Variants in ELOVL7 observed in about 807,000 individuals in gnomAD.
ELOVL7 encodes very long chain fatty acid elongase 7.
A neutral mutation model predicts 35.7 loss-of-function variants in ELOVL7; 27 were observed. The observed-to-expected ratio is 0.76, with a 90% CI of 0.56 to 1.04. The LOEUF (loss-of-function observed/expected upper bound fraction) is 1.04, where lower values mean the gene tolerates loss of function less well. Ranked by LOEUF, ELOVL7 falls within the 50% of genes least tolerant of loss-of-function variation. The probability of loss-of-function intolerance (pLI) is 0.00; values close to 1 mark genes in which losing one functional copy is unlikely to be tolerated. For synonymous variants in ELOVL7, 113 were observed against 114.6 expected (o/e 0.99, Z 0.09); for missense variants, 327 against 340.8 (o/e 0.96, Z 0.32).
At chr5:60,822,775 T>G (rs1471988329) in intron 1 of ELOVL7, among the ~76,000 whole-genome samples, 1 of 150,022 alleles carries the variant, frequency 6.7e-6, no homozygotes, top group African/African-American at 2.5e-5. Flanking sequence ...AAAGAAAGAG[T>G]CAAAAAGACA....
chr5:60,756,358 C>T (rs921970242), intron 8 of ELOVL7, among the ~76,000 whole-genome samples: 5 of 152,068 alleles, frequency 3.3e-5, no homozygotes, highest in African/African-American at 1.2e-4. Context: ...CAGTGATTAT[C>T]CCTGGGTGGC....
intron 1 of ELOVL7, among the ~76,000 whole-genome samples, chr5:60,835,940 AGAAG>A (rs1746771907): frequency 6.6e-6 from 1 of 152,048 alleles, no homozygotes; most frequent in African/African-American, 2.4e-5. Flanking sequence ...CAGCAGTTGG[AGAAG>A]GAAGAAGACT....
At chr5:60,778,111 C>T (rs1360951043) in intron 3 of ELOVL7, among the ~76,000 whole-genome samples, 1 of 152,206 alleles carries the variant, frequency 6.6e-6, no homozygotes, top group Non-Finnish European at 1.5e-5. Flanking sequence ...AAATCTTTTA[C>T]TGCTTCTATT....
At chr5:60,786,657 T>C (rs1743602754) in intron 3 of ELOVL7, among the ~76,000 whole-genome samples, 1 of 151,884 alleles carries the variant, frequency 6.6e-6, no homozygotes, top group Admixed American at 6.6e-5. Flanking sequence ...TTCAAAAGAG[T>C]TGGCAGTGGC....
At chr5:60,770,101 T>C (rs1311099982) in intron 4 of ELOVL7, among the ~76,000 whole-genome samples, 3 of 151,686 alleles carry the variant, frequency 2.0e-5, no homozygotes, top group African/African-American at 7.3e-5. Context: ...TAATAATTTA[T>C]ATTTGGCAGG....
chr5:60,787,559 T>C, intron 2 of ELOVL7, 128 bp from the exon 3 acceptor site: 1 of 528,134 alleles, frequency 1.9e-6, no homozygotes, highest in Non-Finnish European at 3.2e-6. Context: ...AAACTCCCAC[T>C]GAAGGCAAAT....
intron 1 of ELOVL7, among the ~76,000 whole-genome samples, chr5:60,813,764 T>TC (rs1745367746): frequency 6.6e-6 from 1 of 152,076 alleles, no homozygotes; most frequent in African/African-American, 2.4e-5. Flanking sequence ...GGAGATAAAC[T>TC]CGACAGGTAG....
intron 1 of ELOVL7, among the ~76,000 whole-genome samples, chr5:60,807,164 G>GA (rs1554065898): frequency 1.4e-5 from 2 of 148,100 alleles, no homozygotes; most frequent in African/African-American, 5.0e-5. Context: ...TCCTAATTTT[G>GA]TTTTTTTTTT....
chr5:60,764,680 G>A (rs1390229725), intron 6 of ELOVL7, among the ~76,000 whole-genome samples: 1 of 152,142 alleles, frequency 6.6e-6, no homozygotes, highest in Non-Finnish European at 1.5e-5. Context: ...AAGTGTATGG[G>A]AAAGCAGAAG....
chr5:60,764,872 G>T (rs1742142262), intron 6 of ELOVL7, among the ~76,000 whole-genome samples: 2 of 151,946 alleles, frequency 1.3e-5, no homozygotes, highest in Admixed American at 6.6e-5. Flanking sequence ...AAGCAAAACT[G>T]CATAGAAAAA....
intron 1 of ELOVL7, among the ~76,000 whole-genome samples, chr5:60,803,444 C>T (rs1264437495): frequency 6.6e-6 from 1 of 152,158 alleles, no homozygotes; most frequent in South Asian, 2.1e-4. Context: ...GATAGGTGCT[C>T]AGGATAAACT....
intron 1 of ELOVL7, among the ~76,000 whole-genome samples, chr5:60,825,047 C>G (rs1746091889): frequency 6.6e-6 from 1 of 151,904 alleles, no homozygotes; most frequent in Admixed American, 6.6e-5. Context: ...CCTCCACATC[C>G]TGGGTTCAAG....
At chr5:60,783,544 G>C (rs1393237362) in intron 3 of ELOVL7, among the ~76,000 whole-genome samples, 2 of 152,132 alleles carry the variant, frequency 1.3e-5, no homozygotes, top group Non-Finnish European at 2.9e-5. Flanking sequence ...AGTTAATTCT[G>C]ACTCTGTTTA....
intron 5 of ELOVL7, 110 bp downstream of exon 5, chr5:60,767,713 T>A: frequency 1.4e-6 from 1 of 692,358 alleles, no homozygotes; most frequent in Non-Finnish European, 2.6e-6. Context: ...ACACACACAA[T>A]CTGATAACTG....
chr5:60,769,901 A>T (rs1182338262), intron 4 of ELOVL7, among the ~76,000 whole-genome samples: 1 of 152,102 alleles, frequency 6.6e-6, no homozygotes, highest in East Asian at 1.9e-4. Flanking sequence ...AATACAAAAA[A>T]TTAGCTAGAC....
chr5:60,795,445 G>A (rs536821591), intron 2 of ELOVL7, among the ~76,000 whole-genome samples: 5 of 152,282 alleles, frequency 3.3e-5, no homozygotes, highest in African/African-American at 4.8e-5. Context: ...CTGAGAGCAC[G>A]GGGGAGGGAC....
At chr5:60,772,760 T>C (rs983610938) in intron 3 of ELOVL7, among the ~76,000 whole-genome samples, 3 of 152,192 alleles carry the variant, frequency 2.0e-5, no homozygotes, top group African/African-American at 4.8e-5. Flanking sequence ...GGTGCAAAGC[T>C]ATCTGGAAGA....
At chr5:60,817,783 TATATACCATATATATACACACC>T (rs1745614112) in intron 1 of ELOVL7, among the ~76,000 whole-genome samples, 2 of 148,224 alleles carry the variant, frequency 1.3e-5, no homozygotes, top group African/African-American at 5.0e-5. Flanking sequence ...ACACACCATA[TATATACCATATATATACACACC>T]ATATATATGT....
chr5:60,797,680 G>A (rs1005417174), intron 2 of ELOVL7, among the ~76,000 whole-genome samples: 4 of 152,240 alleles, frequency 2.6e-5, no homozygotes, highest in Non-Finnish European at 5.9e-5. Flanking sequence ...GCAGAGTTGG[G>A]ACAAGTGGCC....
Sources: allele counts gnomAD v4.1 joint callset (sites outside exome capture counted in the v4.1 genomes callset), GRCh38; gene constraint gnomAD v4.1.1; transcripts MANE v1.5; gene names NCBI Gene and HGNC (gene_info 2026-07-23, HGNC 2026-07-21).